The following TOR1AIP2 variants were observed in gnomAD, a reference collection of about 807,000 sequenced individuals.
The protein encoded by TOR1AIP2 is torsin-1A-interacting protein 2.
A neutral mutation model predicts 32.6 loss-of-function variants in TOR1AIP2; 20 were observed. The ratio of observed to expected loss-of-function variants is 0.61; its 90% CI spans 0.43 to 0.89. TOR1AIP2 has a LOEUF of 0.89. Among genes scored for constraint, TOR1AIP2 ranks in the 40% least tolerant of loss-of-function variants. The probability of loss-of-function intolerance (pLI) is 0.00; values close to 1 mark genes in which losing one functional copy is unlikely to be tolerated. For missense variants in TOR1AIP2, 456 were observed against 553.8 expected (o/e 0.82, Z 1.77); for synonymous variants, 214 against 210.8 (o/e 1.02, Z -0.13).
intron 3 of TOR1AIP2, among the ~76,000 whole-genome samples, chr1:179,854,093 T>C (rs993283596): frequency 6.6e-6 from 1 of 152,164 alleles, no homozygotes; most frequent in Non-Finnish European, 1.5e-5. Context: ...AAAAGTTTCC[T>C]ATGTACCAAT....
chr1:179,863,933 A>G (rs1696661055), intron 3 of TOR1AIP2: 7 of 985,408 alleles, frequency 7.1e-6, no homozygotes, highest in Non-Finnish European at 8.4e-6. Context: ...CCTTAGTTCT[A>G]AGAAAGATGC....
At chr1:179,852,199 G>A (rs1290831291) in intron 4 of TOR1AIP2, among the ~76,000 whole-genome samples, 1 of 151,702 alleles carries the variant, frequency 6.6e-6, no homozygotes, top group Non-Finnish European at 1.5e-5. Context: ...AGAATCACTC[G>A]AGCCCGGGAG....
chr1:179,859,716 T>C, intron 3 of TOR1AIP2: 1 of 985,454 alleles, frequency 1.0e-6, no homozygotes, highest in Non-Finnish European at 1.2e-6. Flanking sequence ...CCTTCGGTCA[T>C]CCATCCCTCC....
At chr1:179,862,677 C>T in intron 3 of TOR1AIP2, 1 of 984,122 alleles carries the variant, frequency 1.0e-6, no homozygotes, top group Non-Finnish European at 1.2e-6. Flanking sequence ...CCTGTAATCC[C>T]AGCACTGTCG....
Position 179,851,317 on chromosome 1 carries a change from C to A in TOR1AIP2, c.81G>T (p.Ala27=), listed in dbSNP as rs116391801. ...TACTTGCTATGATTGTGGTCTCCTG[C>A]GCCTGAGAATTTACTGATGGATCAT... ...LENDPSVNSQ[A]QETTIIASNA... Residue 27 remains alanine (A), a synonymous_variant, in exon 5 of 7, where the codon GCG becomes GCT. Coordinates refer to ENST00000609928, the MANE Select transcript of TOR1AIP2 (RefSeq NM_001199260.2). 3.1e-6 allele frequency: 5 copies of A among 1,593,660 alleles called. No homozygotes were observed. The highest frequency in any genetic ancestry group is 2.2e-5 in the East Asian group (1 of 44,736).
chr1:179,853,490 TTC>T lies in TOR1AIP2; in HGVS notation c.-146-681_-146-680del, dbSNP rs150136114. ...CAATAAAAACAGTCATATTTTATAG[TTC>T]TTTTTTTTGTCAAAAACAAATTGAT... On this transcript the variant is annotated intron_variant, in intron 3 of 6. Coordinates refer to ENST00000609928, the MANE Select transcript of TOR1AIP2 (RefSeq NM_001199260.2). Among the ~76,000 whole-genome samples the T allele has an allele frequency of 9.6e-3, 1,458 of 152,324 alleles. 24 individuals are homozygous for T. The highest frequency in any genetic ancestry group is 0.032 in the African/African-American group (1,316 of 41,572).
chr1:179,853,218 C>G (rs866259910), intron 3 of TOR1AIP2, among the ~76,000 whole-genome samples: 1 of 152,206 alleles, frequency 6.6e-6, no homozygotes. Flanking sequence ...GTCTGCCTAT[C>G]AGGAGCTTTC....
chr1:179,850,170 A>G (rs1280625832), intron 5 of TOR1AIP2, among the ~76,000 whole-genome samples: 201 of 152,264 alleles, frequency 1.3e-3, no homozygotes, highest in African/African-American at 4.8e-3. Context: ...ACAAACAGGA[A>G]ATTGAAGCAC....
At chr1:179,861,509 A>G (rs1316001623) in intron 3 of TOR1AIP2, 2 of 984,352 alleles carry the variant, frequency 2.0e-6, no homozygotes, top group African/African-American at 1.7e-5. Context: ...ATTAAAATTA[A>G]TATTTTTGAT....
intron 3 of TOR1AIP2, chr1:179,864,508 G>A: frequency 8.7e-7 from 1 of 1,143,386 alleles, no homozygotes; most frequent in Non-Finnish European, 1.1e-6. Flanking sequence ...TTTAGGAGTG[G>A]TAAGTTAGTT....
In TOR1AIP2 at chr1:179,862,883, G is replaced by A. The variant is rs148040147; in HGVS notation, c.-147+2553C>T. The A allele has an allele frequency of 5.5e-3, 821 of 148,878 alleles. 8 individuals are homozygous for A. The highest frequency in any genetic ancestry group is 0.02 in the South Asian group (93 of 4,658). 9.2% of individuals were successfully genotyped at this position (148,878 alleles called of 1,614,324 possible). On this transcript the variant is annotated intron_variant, in intron 3 of 6. Coordinates refer to ENST00000609928, the MANE Select transcript of TOR1AIP2 (RefSeq NM_001199260.2). ...GTGGAGGTTACAGTAAGCCGAGATC[G>A]TGCCACTACACTCCATCCTGGGCAA...
At chr1:179,847,769 C>T (rs1695966016) in intron 5 of TOR1AIP2, 133 bp from the exon 6 acceptor site, 1 of 641,086 alleles carries the variant, frequency 1.6e-6, no homozygotes, top group Non-Finnish European at 2.7e-6. Context: ...TACGGTGGCT[C>T]ATGCCTGTAA....
chr1:179,863,482 CAAG>C (rs1479439244), intron 3 of TOR1AIP2: 11 of 984,706 alleles, frequency 1.1e-5, no homozygotes, highest in Non-Finnish European at 1.3e-5. Context: ...TCTGTTACAA[CAAG>C]AAGTCATATT....
At chr1:179,852,592 C>G in intron 4 of TOR1AIP2, 40 bp downstream of exon 4, 1 of 1,611,238 alleles carries the variant, frequency 6.2e-7, no homozygotes, top group Non-Finnish European at 8.5e-7. Context: ...CCCCTGGTTT[C>G]CTACAGCAGC....
At chr1:179,859,941 A>G (rs952576291) in intron 3 of TOR1AIP2, 62 of 687,818 alleles carry the variant, frequency 9.0e-5, no homozygotes, top group Non-Finnish European at 1.1e-4. Context: ...GGCTCAAGTG[A>G]TCCTCCCACC....
chr1:179,873,035 G>A (rs1314728882), intron 2 of TOR1AIP2, among the ~76,000 whole-genome samples: 1 of 152,104 alleles, frequency 6.6e-6, no homozygotes, highest in Non-Finnish European at 1.5e-5. Flanking sequence ...TTAACTAGAG[G>A]CCATATTCAG....
chr1:179,872,194 T>C (rs1327688944), intron 2 of TOR1AIP2, among the ~76,000 whole-genome samples: 2 of 152,210 alleles, frequency 1.3e-5, no homozygotes, highest in Non-Finnish European at 1.5e-5. Flanking sequence ...TTGAGGGGCA[T>C]GGCCATAAAG....
chr1:179,859,993 C>T (rs983831617), intron 3 of TOR1AIP2: 18 of 569,306 alleles, frequency 3.2e-5, no homozygotes, highest in African/African-American at 2.7e-4. Context: ...CATACCACCA[C>T]ATCCAGCTAA....
Position 179,852,708 on chromosome 1 carries a change from A to G in TOR1AIP2, c.-43T>C, listed in dbSNP as rs1186912900. On this transcript the variant is annotated 5_prime_UTR_variant, in exon 4 of 7. The change abolishes the stop of an existing upstream ORF in the 5' untranslated region. Transcript: ENST00000609928. ...TCAGAGTTGGGAGGATACTTTTTTT[A>G]GTACTTGGTTTTCCTTGTGAAGATG... 6 of 1,613,426 alleles carry G rather than the reference A, an allele frequency of 3.7e-6. No homozygotes were observed. The Admixed American group carries it at 5.0e-5, about 13-fold the overall frequency.
Sources: allele counts gnomAD v4.1 joint callset (sites outside exome capture counted in the v4.1 genomes callset), GRCh38; gene constraint gnomAD v4.1.1; transcripts MANE v1.5; gene names NCBI Gene and HGNC (gene_info 2026-07-23, HGNC 2026-07-21).